Variants in CADPS observed in about 807,000 individuals in gnomAD.
CADPS encodes the protein calcium-dependent secretion activator 1.
Under a neutral mutation model 167.3 loss-of-function variants are expected in CADPS, and 57 were observed. That is an observed-to-expected ratio of 0.34 (90% CI 0.28 to 0.42). The LOEUF (loss-of-function observed/expected upper bound fraction) is 0.42, where lower values mean the gene tolerates loss of function less well. Among genes scored for constraint, CADPS ranks in the 20% least tolerant of loss-of-function variants. The probability of loss-of-function intolerance (pLI) is 1.00; values close to 1 mark genes in which losing one functional copy is unlikely to be tolerated. For missense variants in CADPS, 1,414 were observed against 1,738.1 expected (o/e 0.81, Z 3.32); for synonymous variants, 676 against 635.3 (o/e 1.06, Z -0.96).
At chr3:62,445,936 A>G (rs1036614630) in intron 26 of CADPS, 139 bp from the exon 27 acceptor site, 2 of 521,378 alleles carry the variant, frequency 3.8e-6, no homozygotes, top group African/African-American at 4.0e-5. Context: ...GGTACTAGAA[A>G]ATAAAATCTG....
chr3:62,528,727 T>A (rs1470264333), intron 13 of CADPS, among the ~76,000 whole-genome samples: 2 of 152,186 alleles, frequency 1.3e-5, no homozygotes, highest in South Asian at 2.1e-4. Flanking sequence ...ATAAGTACAG[T>A]CCTGATGTAG....
intron 8 of CADPS, 117 bp from the exon 9 acceptor site, chr3:62,571,055 G>T: frequency 1.4e-6 from 1 of 731,716 alleles, no homozygotes; most frequent in Non-Finnish European, 2.4e-6. Flanking sequence ...GCTCAGGAAC[G>T]GGGCGCAGAT....
chr3:62,627,768 T>G (rs1034221167), intron 6 of CADPS, among the ~76,000 whole-genome samples: 1 of 152,266 alleles, frequency 6.6e-6, no homozygotes, highest in South Asian at 2.1e-4. Flanking sequence ...CGCTCGAGTC[T>G]GCCTTTGTTC....
Position 62,875,082 on chromosome 3 carries a change from G to T in CADPS, c.-53C>A. 6.6e-7 allele frequency: 1 copy of T among 1,522,562 alleles called. No individual in the cohort carries two copies. Among genetic ancestry groups the T allele is most frequent in the Non-Finnish European group, 8.8e-7 (1 of 1,130,332 alleles). The allele number at this position is 1,522,562 out of a possible 1,614,324, so 94.3% of individuals were successfully genotyped here. On this transcript the variant is annotated 5_prime_UTR_variant, in exon 1 of 30. Coordinates refer to ENST00000383710, the MANE Select transcript of CADPS (RefSeq NM_003716.4). Reference sequence around the variant, plus strand: ...GAGCCCCCGGCTTGGAGTGCAAAAGGTGGGGGGCGCTGGAGGCAGCCGGGG... The same window carrying T: ...GAGCCCCCGGCTTGGAGTGCAAAAGTTGGGGGGCGCTGGAGGCAGCCGGGG...
intron 17 of CADPS, among the ~76,000 whole-genome samples, chr3:62,501,744 A>T (rs1406731289): frequency 6.6e-6 from 1 of 152,158 alleles, no homozygotes; most frequent in African/African-American, 2.4e-5. Context: ...GCACTTTTTA[A>T]AAAAAAGTCA....
intron 9 of CADPS, among the ~76,000 whole-genome samples, chr3:62,559,953 A>G (rs1323246267): frequency 6.6e-6 from 1 of 151,198 alleles, no homozygotes; most frequent in Non-Finnish European, 1.5e-5. Context: ...ATTTACTATT[A>G]CTACATGGTT....
chr3:62,873,634 T>TTTA (rs1553805371), intron 1 of CADPS, among the ~76,000 whole-genome samples: 2 of 150,102 alleles, frequency 1.3e-5, no homozygotes, highest in Non-Finnish European at 3.0e-5. Context: ...TTTTTTTTTT[T>TTTA]AACATCAAAG....
chr3:62,554,661 A>G (rs766901129), intron 10 of CADPS, among the ~76,000 whole-genome samples: 1 of 152,204 alleles, frequency 6.6e-6, no homozygotes, highest in Non-Finnish European at 1.5e-5. Flanking sequence ...AATCCCCTGC[A>G]GTGCTTATTT....
intron 13 of CADPS, among the ~76,000 whole-genome samples, chr3:62,526,485 T>C (rs982978267): frequency 2.0e-5 from 3 of 152,200 alleles, no homozygotes; most frequent in African/African-American, 7.2e-5. Context: ...CAAGGAACAT[T>C]GACGCAACTT....
chr3:62,403,503 G>A (rs1369101596), intron 28 of CADPS: 1 of 180,190 alleles, frequency 5.5e-6, no homozygotes, highest in Non-Finnish European at 1.2e-5. Context: ...TTTTTTATTG[G>A]TTAATTTTAC....
At chr3:62,791,586 G>A (rs186991118) in intron 1 of CADPS, among the ~76,000 whole-genome samples, 1 of 152,244 alleles carries the variant, frequency 6.6e-6, no homozygotes, top group East Asian at 1.9e-4. Context: ...AGAGAAAATT[G>A]CTCAACTTTC....
chr3:62,583,904 G>T (rs2084001650), intron 8 of CADPS, among the ~76,000 whole-genome samples: 3 of 151,976 alleles, frequency 2.0e-5, no homozygotes, highest in South Asian at 4.1e-4. Context: ...ACGCCCTCCT[G>T]GACTTCATGT....
At chr3:62,803,787 C>T (rs1045373789) in intron 1 of CADPS, among the ~76,000 whole-genome samples, 3 of 152,076 alleles carry the variant, frequency 2.0e-5, no homozygotes, top group African/African-American at 4.8e-5. Flanking sequence ...TCCCAGGATA[C>T]GAGAGGATAA....
At position 62,742,086 on chromosome 3, in the gene CADPS, A is replaced by G. The variant is rs1319870530; in HGVS notation, c.888+11355T>C. ...GCTAACTAGGGGGTGAAAGATCTCT[A>G]CAAGGAGAACCACAAATCACTGCTC... On this transcript the variant is annotated intron_variant, in intron 3 of 29. Transcript: ENST00000383710. Among the ~76,000 whole-genome samples, 4 of 152,302 alleles carry G rather than the reference A, an allele frequency of 2.6e-5. No homozygotes were observed. In the East Asian group the frequency reaches 7.7e-4, roughly 29 times the overall value.
intron 16 of CADPS, chr3:62,513,695 C>T: frequency 6.3e-7 from 1 of 1,586,004 alleles, no homozygotes; most frequent in Non-Finnish European, 8.6e-7. Flanking sequence ...TCATACATTT[C>T]TCTCTTTTTC....
At chr3:62,518,381 C>A in intron 13 of CADPS, 131 bp from the exon 14 acceptor site, 1 of 664,720 alleles carries the variant, frequency 1.5e-6, no homozygotes, top group Non-Finnish European at 2.5e-6. Flanking sequence ...CAGGAGAAGC[C>A]CAGCTATTCA....
intron 3 of CADPS, among the ~76,000 whole-genome samples, chr3:62,747,698 T>C (rs752916123): frequency 3.5e-4 from 54 of 152,210 alleles, no homozygotes; most frequent in Non-Finnish European, 6.5e-4. Flanking sequence ...TTTCCTGATT[T>C]CTTTCTTCTT....
At chr3:62,459,072 C>G (rs1262986864) in intron 26 of CADPS, among the ~76,000 whole-genome samples, 1 of 152,172 alleles carries the variant, frequency 6.6e-6, no homozygotes, top group African/African-American at 2.4e-5. Context: ...AAGGGGATGT[C>G]AAATTCTGAA....
chr3:62,864,104 C>T (rs2153195096), intron 1 of CADPS, among the ~76,000 whole-genome samples: 1 of 152,248 alleles, frequency 6.6e-6, no homozygotes, highest in Admixed American at 6.5e-5. Flanking sequence ...CAGCTGACAA[C>T]TTTTATAGGA....
Sources: gnomAD v4.1 joint callset for allele counts (sites outside exome capture counted in the v4.1 genomes callset) on GRCh38, gnomAD v4.1.1 for gene constraint, MANE v1.5 for transcripts, NCBI Gene and HGNC (gene_info 2026-07-23, HGNC 2026-07-21) for gene names.